WDFY3: variants seen among roughly 807,000 people sequenced by gnomAD.
WDFY3 encodes the protein WD repeat and FYVE domain containing 3, also known as WD repeat and FYVE domain-containing protein 3.
A neutral mutation model predicts 409.6 loss-of-function variants in WDFY3; 66 were observed. The ratio of observed to expected loss-of-function variants is 0.16; its 90% CI spans 0.13 to 0.20. The LOEUF (loss-of-function observed/expected upper bound fraction) is 0.20. Ranked by LOEUF, WDFY3 falls within the 10% of genes least tolerant of loss-of-function variation. The pLI, the probability that WDFY3 is intolerant of heterozygous loss-of-function variation, is 1.00. For synonymous variants in WDFY3, 1,521 were observed against 1,537.1 expected (o/e 0.99, Z 0.25); for missense variants, 3,031 against 4,298.1 (o/e 0.71, Z 8.24).
chr4:84,701,859 T>C (rs1487035234), intron 56 of WDFY3, among the ~76,000 whole-genome samples: 1 of 152,236 alleles, frequency 6.6e-6, no homozygotes, highest in Admixed American at 6.5e-5. Flanking sequence ...GAGAATGTAT[T>C]AGGCAATAAA....
chr4:84,686,700 G>A (rs1728383163), intron 62 of WDFY3, among the ~76,000 whole-genome samples: 1 of 152,158 alleles, frequency 6.6e-6, no homozygotes, highest in Non-Finnish European at 1.5e-5. Flanking sequence ...AAGAGGCGAT[G>A]AGGCTTGGGT....
intron 1 of WDFY3, among the ~76,000 whole-genome samples, chr4:84,960,486 G>C (rs1178351528): frequency 6.6e-6 from 1 of 152,148 alleles, no homozygotes; most frequent in Non-Finnish European, 1.5e-5. Flanking sequence ...GTATGTATAC[G>C]AACAAATGTA....
intron 3 of WDFY3, among the ~76,000 whole-genome samples, chr4:84,871,569 T>C (rs757574454): frequency 2.0e-5 from 3 of 152,158 alleles, no homozygotes; most frequent in South Asian, 2.1e-4. Flanking sequence ...ATTGTATCTA[T>C]ATTAATGAAA....
chr4:84,756,342 T>C (rs1001086248), intron 33 of WDFY3, among the ~76,000 whole-genome samples: 1 of 152,014 alleles, frequency 6.6e-6, no homozygotes, highest in Admixed American at 6.6e-5. Flanking sequence ...CCCAGCACTT[T>C]GGGAGGCTGA....
intron 1 of WDFY3, among the ~76,000 whole-genome samples, chr4:84,958,471 G>T: frequency 6.6e-6 from 1 of 152,082 alleles, no homozygotes; most frequent in East Asian, 1.9e-4. Flanking sequence ...TCAGCCTAGG[G>T]TGGAGAGACA....
At chr4:84,679,297 G>C in intron 64 of WDFY3, 55 bp from the exon 65 acceptor site, 5 of 1,416,218 alleles carry the variant, frequency 3.5e-6, no homozygotes, top group Non-Finnish European at 4.7e-6. Context: ...GTTACACCCA[G>C]CTTTGTTCTG....
At chr4:84,762,313 G>A (rs945631178) in intron 32 of WDFY3, among the ~76,000 whole-genome samples, 2 of 151,870 alleles carry the variant, frequency 1.3e-5, no homozygotes, top group African/African-American at 4.8e-5. Flanking sequence ...GTCCTTTGTA[G>A]GGACATGGAT....
intron 1 of WDFY3, among the ~76,000 whole-genome samples, chr4:84,963,095 A>C (rs1357541060): frequency 6.6e-6 from 1 of 151,546 alleles, no homozygotes; most frequent in Non-Finnish European, 1.5e-5. Flanking sequence ...AGAAATATAG[A>C]TTTAAAATGT....
At chr4:84,780,363 C>A in intron 25 of WDFY3, 65 bp from the exon 26 acceptor site, 1 of 1,426,308 alleles carries the variant, frequency 7.0e-7, no homozygotes. Context: ...CTGTATACAT[C>A]ATCTTGAAAA....
At chr4:84,695,409 A>G (rs1729919283) in intron 58 of WDFY3, among the ~76,000 whole-genome samples, 1 of 150,660 alleles carries the variant, frequency 6.6e-6, no homozygotes, top group South Asian at 2.1e-4. Flanking sequence ...AACTACCACA[A>G]TAGCTTTCTT....
chr4:84,717,115 G>C lies in WDFY3; in HGVS notation c.7755-99C>G, dbSNP rs1734070874. ...TAATTTTAAACACATGAACAGGATG[G>C]AGGAGTAATATATATCAGAATTTTC... On this transcript the variant is annotated intron_variant, in intron 48 of 67. Transcript: ENST00000295888. The C allele has an allele frequency of 3.9e-6, 5 of 1,280,860 alleles. No individual in the cohort carries two copies. The South Asian group carries it at 7.0e-5, about 18-fold the overall frequency. The allele number at this position is 1,280,860 out of a possible 1,614,324, so 79.3% of individuals were successfully genotyped here.
chr4:84,856,770 C>T (rs1265630106), intron 4 of WDFY3, among the ~76,000 whole-genome samples: 1 of 152,098 alleles, frequency 6.6e-6, no homozygotes, highest in Non-Finnish European at 1.5e-5. Context: ...GCTTGTTCAC[C>T]ATTTAGCTCT....
intron 4 of WDFY3, among the ~76,000 whole-genome samples, chr4:84,850,382 G>A (rs534925759): frequency 2.6e-5 from 4 of 152,140 alleles, no homozygotes; most frequent in East Asian, 1.9e-4. Flanking sequence ...GTAGTGGCAC[G>A]ATTTTGGCTC....
intron 58 of WDFY3, among the ~76,000 whole-genome samples, chr4:84,695,103 G>A (rs1010902852): frequency 1.2e-4 from 19 of 152,064 alleles, no homozygotes; most frequent in African/African-American, 4.6e-4. Context: ...CCACACTGTG[G>A]AGAAGTGCTG....
chr4:84,897,427 G>A (rs1223848511), intron 2 of WDFY3, among the ~76,000 whole-genome samples: 1 of 152,014 alleles, frequency 6.6e-6, no homozygotes, highest in African/African-American at 2.4e-5. Context: ...TTGTCACCCA[G>A]GCTGGAGTGC....
intron 61 of WDFY3, among the ~76,000 whole-genome samples, chr4:84,689,467 T>G (rs1415440508): frequency 2.0e-5 from 3 of 152,230 alleles, no homozygotes; most frequent in Non-Finnish European, 2.9e-5. Context: ...ATTAACCTTG[T>G]AATCTGTTCA....
Position 84,756,078 on chromosome 4 carries a change from C to A in WDFY3, c.5425-678G>T, listed in dbSNP as rs1217608513. 2.0e-5 allele frequency among the ~76,000 whole-genome samples: 3 copies of A among 152,262 alleles called. No individual in the cohort carries two copies. The East Asian group carries it at 5.8e-4, about 29-fold the overall frequency. ...TAAAAGCTAAATTCCTACAGTGCCA[C>A]AAACATAAGCTATATACAGACATCT... On this transcript the variant is annotated intron_variant, in intron 33 of 67. Coordinates refer to ENST00000295888, the MANE Select transcript of WDFY3 (RefSeq NM_014991.6).
chr4:84,916,964 G>T (rs1768572565), intron 2 of WDFY3, among the ~76,000 whole-genome samples: 1 of 151,952 alleles, frequency 6.6e-6, no homozygotes, highest in Non-Finnish European at 1.5e-5. Flanking sequence ...GAGATGAATA[G>T]ATATATATTT....
intron 1 of WDFY3, among the ~76,000 whole-genome samples, chr4:84,934,626 G>A (rs897220634): frequency 2.0e-5 from 3 of 152,098 alleles, no homozygotes; most frequent in Non-Finnish European, 4.4e-5. Context: ...CCTAAATTAT[G>A]ACTTCAGATT....
Sources: gnomAD v4.1 joint callset for allele counts (sites outside exome capture counted in the v4.1 genomes callset) on GRCh38, gnomAD v4.1.1 for gene constraint, MANE v1.5 for transcripts, NCBI Gene and HGNC (gene_info 2026-07-23, HGNC 2026-07-21) for gene names.